The following DLG2 variants were observed in gnomAD, a reference collection of about 807,000 sequenced individuals.
DLG2 encodes disks large homolog 2.
Under a neutral mutation model 132.5 loss-of-function variants are expected in DLG2, and 45 were observed. The observed-to-expected ratio is 0.34, with a 90% CI of 0.27 to 0.44. The LOEUF (loss-of-function observed/expected upper bound fraction) is 0.44. Among genes scored for constraint, DLG2 ranks in the 20% least tolerant of loss-of-function variants. The pLI is 1.00. For synonymous variants in DLG2, 424 were observed against 419.6 expected, an observed-to-expected ratio of 1.01 and a Z score of -0.13; for missense variants, 1,045 against 1,196.9, an observed-to-expected ratio of 0.87 and a Z score of 1.87.
intron 6 of DLG2, among the ~76,000 whole-genome samples, chr11:84,818,353 T>C (rs7129466): frequency 0.4 from 60,853 of 151,848 alleles, 12,745 homozygotes; most frequent in African/African-American, 0.44. Context: ...GAAACTTTTT[T>C]GGTTTAGATT....
intron 18 of DLG2, among the ~76,000 whole-genome samples, chr11:83,676,383 C>G (rs894758115): frequency 2.0e-5 from 3 of 152,184 alleles, no homozygotes; most frequent in African/African-American, 7.2e-5. Context: ...TCTCTTGAAG[C>G]TAGCTTTACT....
At chr11:83,661,373 T>C (rs1426672894) in intron 18 of DLG2, among the ~76,000 whole-genome samples, 1 of 152,130 alleles carries the variant, frequency 6.6e-6, no homozygotes, top group Non-Finnish European at 1.5e-5. Flanking sequence ...GTAAAAAGCA[T>C]CTACTATTCC....
At chr11:85,238,507 G>C (rs1250666965) in intron 4 of DLG2, among the ~76,000 whole-genome samples, 1 of 151,966 alleles carries the variant, frequency 6.6e-6, no homozygotes, top group African/African-American at 2.4e-5. Flanking sequence ...GCCTCCCAAA[G>C]TGCTGGGATT....
intron 3 of DLG2, among the ~76,000 whole-genome samples, chr11:85,447,858 G>A (rs1356650955): frequency 6.6e-6 from 1 of 152,128 alleles, no homozygotes; most frequent in Non-Finnish European, 1.5e-5. Flanking sequence ...AAATTTGAGA[G>A]GGATGAGATA....
chr11:83,843,937 T>G (rs572599987), intron 16 of DLG2, among the ~76,000 whole-genome samples: 1 of 152,302 alleles, frequency 6.6e-6, no homozygotes, highest in South Asian at 2.1e-4. Context: ...TTTTAAATGC[T>G]TGGCTAAGCT....
chr11:84,872,713 T>A (rs187697742), intron 6 of DLG2, among the ~76,000 whole-genome samples: 1 of 152,336 alleles, frequency 6.6e-6, no homozygotes, highest in African/African-American at 2.4e-5. Flanking sequence ...AGGAAAACCA[T>A]AGTCTCACAT....
intron 4 of DLG2, among the ~76,000 whole-genome samples, chr11:85,212,194 T>C (rs1296293430): frequency 6.6e-6 from 1 of 152,068 alleles, no homozygotes; most frequent in African/African-American, 2.4e-5. Flanking sequence ...ACAGAAAAAT[T>C]GTCAGTCTTT....
At chr11:84,773,128 C>T (rs2069718415) in intron 6 of DLG2, among the ~76,000 whole-genome samples, 1 of 152,040 alleles carries the variant, frequency 6.6e-6, no homozygotes, top group Admixed American at 6.6e-5. Flanking sequence ...AATGCAAAAG[C>T]TCTCCAGAAA....
In DLG2 at chr11:84,446,174, CTACA is replaced by C. The variant is rs572702005; in HGVS notation, c.519+88392_519+88395del. The stretch of plus-strand genomic sequence containing the variant: ...TTTCAATTTATTGTTTTTTACCTAC[CTACA>C]GAGTATCCATTTTTAATCAATTGTT... On this transcript the variant is annotated intron_variant, in intron 7 of 27. Transcript: ENST00000376104. Among the ~76,000 whole-genome samples the C allele has an allele frequency of 3.4e-4, 51 of 151,822 alleles. 1 individual carries two copies. The South Asian group carries it at 0.01, about 31-fold the overall frequency.
chr11:85,499,465 C>A (rs1203964070), intron 3 of DLG2, among the ~76,000 whole-genome samples: 1 of 151,988 alleles, frequency 6.6e-6, no homozygotes, highest in African/African-American at 2.4e-5. Flanking sequence ...AGCCTACCAA[C>A]CAAAAAAAGT....
In DLG2 at chr11:83,594,506, T is replaced by G. The variant is rs113018132; in HGVS notation, c.1940+38705A>C. 3.5e-3 allele frequency among the ~76,000 whole-genome samples: 538 copies of G among 152,292 alleles called. 3 individuals are homozygous for G. Among genetic ancestry groups the G allele is most frequent in the African/African-American group, 0.013 (522 of 41,562 alleles). On this transcript the variant is annotated intron_variant, in intron 19 of 27. Transcript: ENST00000376104. ...GATCTTGTTTAAACTGACAACATGC[T>G]TAAAGAACATTCATTTGGTCCAAAA...
chr11:84,935,294 A>C (rs990885839), intron 6 of DLG2, among the ~76,000 whole-genome samples: 1 of 152,196 alleles, frequency 6.6e-6, no homozygotes, highest in African/African-American at 2.4e-5. Context: ...CAGATCTATG[A>C]AAGAGATCTT....
chr11:83,705,815 G>A (rs1252251292), intron 18 of DLG2, among the ~76,000 whole-genome samples: 1 of 152,190 alleles, frequency 6.6e-6, no homozygotes, highest in African/African-American at 2.4e-5. Context: ...AGCATATGAA[G>A]GCTTATTTTG....
At chr11:84,932,016 T>C (rs2048152705) in intron 6 of DLG2, among the ~76,000 whole-genome samples, 1 of 152,232 alleles carries the variant, frequency 6.6e-6, no homozygotes, top group Admixed American at 6.5e-5. Context: ...TGCTTATTAT[T>C]AGACCTTTGT....
At chr11:83,490,520 C>T (rs1432050) in intron 21 of DLG2, among the ~76,000 whole-genome samples, 28,738 of 151,806 alleles carry the variant, frequency 0.19, 2,905 homozygotes, top group Middle Eastern at 0.21. Flanking sequence ...CTGTGGATGC[C>T]TAAAGCATTG....
chr11:85,576,680 C>G (rs1035098263), intron 3 of DLG2, among the ~76,000 whole-genome samples: 1 of 152,128 alleles, frequency 6.6e-6, no homozygotes, highest in African/African-American at 2.4e-5. Context: ...ATGAACTCTG[C>G]TAAGTGTTAG....
At chr11:85,612,183 C>T (rs1282821111) in intron 2 of DLG2, among the ~76,000 whole-genome samples, 1 of 152,220 alleles carries the variant, frequency 6.6e-6, no homozygotes, top group Non-Finnish European at 1.5e-5. Context: ...CACTCCAATA[C>T]CACCTTGTTG....
chr11:85,031,751 G>C (rs373197580), intron 6 of DLG2, among the ~76,000 whole-genome samples: 5 of 151,948 alleles, frequency 3.3e-5, no homozygotes, highest in East Asian at 1.9e-4. Context: ...GTTAACTTCC[G>C]AGAGCTACTT....
At chr11:83,665,736 G>T (rs552310592) in intron 18 of DLG2, among the ~76,000 whole-genome samples, 1 of 152,104 alleles carries the variant, frequency 6.6e-6, no homozygotes, top group South Asian at 2.1e-4. Flanking sequence ...TCAACCACTA[G>T]GCAACTCGTC....
Sources: gnomAD v4.1 joint callset for allele counts (sites outside exome capture counted in the v4.1 genomes callset) on GRCh38, gnomAD v4.1.1 for gene constraint, MANE v1.5 for transcripts, NCBI Gene and HGNC (gene_info 2026-07-23, HGNC 2026-07-21) for gene names.